The following ACSM1 variants were observed in gnomAD, a reference collection of about 807,000 sequenced individuals.
ACSM1 encodes the protein acyl-coenzyme A synthetase ACSM1, mitochondrial.
A neutral mutation model predicts 75.8 loss-of-function variants in ACSM1; 79 were observed. The observed-to-expected ratio is 1.04, with a 90% CI of 0.87 to 1.26. ACSM1 has a LOEUF of 1.26. Ranked by LOEUF, ACSM1 falls within the 50% of genes most tolerant of loss-of-function variation. The pLI is 0.00. For synonymous variants in ACSM1, 279 were observed against 265.8 expected (o/e 1.05, Z -0.48); for missense variants, 676 against 720.1 (o/e 0.94, Z 0.70).
chr16:20,695,421 T>C (rs75346969), intron 1 of ACSM1, among the ~76,000 whole-genome samples: 10,657 of 152,240 alleles, frequency 0.07, 520 homozygotes, highest in East Asian at 0.21. Context: ...GAAGCTCTTA[T>C]AGAGTAGTTA....
At chr16:20,672,471 A>AAAAAAAAAAAATATATAT (rs1555473775) in intron 4 of ACSM1, among the ~76,000 whole-genome samples, 13 of 64,562 alleles carry the variant, frequency 2.0e-4, no homozygotes, top group Non-Finnish European at 2.9e-4. Context: ...AAAAAAAAAA[A>AAAAAAAAAAAATATATAT]ATATATATAT....
At chr16:20,680,835 C>T (rs2079429814) in intron 4 of ACSM1, 1 of 152,230 alleles carries the variant, frequency 6.6e-6, no homozygotes, top group African/African-American at 2.4e-5. Flanking sequence ...TATATTGGAT[C>T]TGTGGAGCAT....
intron 7 of ACSM1, among the ~76,000 whole-genome samples, chr16:20,652,494 G>A (rs2018698934): frequency 1.3e-5 from 2 of 151,858 alleles, no homozygotes; most frequent in African/African-American, 4.8e-5. Context: ...AATCTTGTAT[G>A]GTAAATTTTT....
rs897320117 is a variant in ACSM1 at position 20,682,474 on chromosome 16, G to C, written c.404-11C>G. ...GAATGAAGATGATCCCTGGGGATGA[G>C]AAAGGAACTGATTGTTTTGGTTTCT... On this transcript the variant is annotated splice_polypyrimidine_tract_variant and intron_variant, in intron 3 of 13. Coordinates refer to ENST00000520010, the MANE Select transcript of ACSM1 (RefSeq NM_001318890.3). 3.7e-6 allele frequency: 6 copies of C among 1,608,746 alleles called. No individual in the cohort carries two copies. In the Admixed American group the frequency reaches 8.3e-5, roughly 22 times the overall value.
chr16:20,659,325 G>C (rs2019169938), intron 7 of ACSM1, among the ~76,000 whole-genome samples: 1 of 152,148 alleles, frequency 6.6e-6, no homozygotes, highest in Non-Finnish European at 1.5e-5. Flanking sequence ...AGTCTTCCTA[G>C]TGCCATGGGA....
At chr16:20,669,716 C>T in intron 6 of ACSM1, 111 bp downstream of exon 6, 1 of 1,084,380 alleles carries the variant, frequency 9.2e-7, no homozygotes, top group Middle Eastern at 2.8e-4. Context: ...GGCTCAGGAT[C>T]ATCTTAGGCT....
In ACSM1 at chr16:20,648,524, T is replaced by A. The variant is rs944065394; in HGVS notation, c.993-7940A>T. ...GCCATGATGGAAATGGGTGGTTGGA[T>A]GTACCTCATTATACCCTCCTTCCTT... is the stretch of plus-strand genomic sequence containing the variant. On this transcript the variant is annotated intron_variant, in intron 7 of 13. Transcript: ENST00000520010. The surrounding 1 kb of genome is among the most constrained non-coding windows in gnomAD (Gnocchi z 4.2). 5.3e-5 allele frequency among the ~76,000 whole-genome samples: 8 copies of A among 152,202 alleles called. No individual in the cohort carries two copies. Among genetic ancestry groups the A allele is most frequent in the African/African-American group, 1.9e-4 (8 of 41,456 alleles).
chr16:20,688,784 G>T (rs1011827561), intron 2 of ACSM1, among the ~76,000 whole-genome samples: 1 of 151,850 alleles, frequency 6.6e-6, no homozygotes, highest in African/African-American at 2.4e-5. Context: ...TCCTCAAGGT[G>T]AAATAAAAGA....
At chr16:20,672,448 C>CAAAAAAAAAAAAA (rs528742963) in intron 4 of ACSM1, among the ~76,000 whole-genome samples, 1 of 21,924 alleles carries the variant, frequency 4.6e-5, no homozygotes, top group African/African-American at 2.6e-4. Context: ...AACTCCATCT[C>CAAAAAAAAAAAAA]AAAAAAAAAA....
At chr16:20,665,624 T>C (rs963033358) in intron 6 of ACSM1, among the ~76,000 whole-genome samples, 6 of 142,952 alleles carry the variant, frequency 4.2e-5, no homozygotes, top group Admixed American at 1.4e-4. Flanking sequence ...GACTCCTTTC[T>C]AACCATTCTA....
At position 20,627,292 on chromosome 16, in the gene ACSM1, C is replaced by T. The variant is rs200667514; in HGVS notation, c.1324G>A (p.Val442Met). ...GTGTTGTAGAAGTCCCCACATTCCA[C>T]TTTAGCTGTCTTCTCTGGGTCACCC... ...YEGDPEKTAK[V>M]ECGDFYNTGD... is the part of the protein sequence containing the mutation. Residue 442 changes from valine (V) to methionine (M), a missense_variant, in exon 11 of 14, where the codon GTG becomes ATG. Transcript: ENST00000520010. 2 of 1,580,736 alleles carry T rather than the reference C, an allele frequency of 1.3e-6. No homozygotes were observed. The highest frequency in any genetic ancestry group is 2.5e-5 in the East Asian group (1 of 40,694).
chr16:20,671,493 T>C, intron 5 of ACSM1, 38 bp downstream of exon 5: 1 of 1,565,042 alleles, frequency 6.4e-7, no homozygotes, highest in East Asian at 2.3e-5. Flanking sequence ...TTTGCCCACA[T>C]CTGGGTCCAG....
At chr16:20,691,836 TCTCC>T (rs1200829350) in intron 1 of ACSM1, among the ~76,000 whole-genome samples, 1 of 151,510 alleles carries the variant, frequency 6.6e-6, no homozygotes, top group Non-Finnish European at 1.5e-5. Context: ...TATCAGGCTG[TCTCC>T]CTCTGGTGGA....
chr16:20,661,384 G>T (rs941369209), intron 7 of ACSM1, among the ~76,000 whole-genome samples: 2 of 152,114 alleles, frequency 1.3e-5, no homozygotes, highest in Non-Finnish European at 2.9e-5. Flanking sequence ...GGCAAGTAAG[G>T]AATTAACAAC....
intron 7 of ACSM1, among the ~76,000 whole-genome samples, chr16:20,659,574 C>A (rs1233567880): frequency 6.6e-6 from 1 of 152,108 alleles, no homozygotes; most frequent in African/African-American, 2.4e-5. Flanking sequence ...GGAAGAAAAT[C>A]AAAATATTGT....
intron 7 of ACSM1, among the ~76,000 whole-genome samples, chr16:20,658,784 C>T (rs539170980): frequency 6.6e-6 from 1 of 152,230 alleles, no homozygotes; most frequent in South Asian, 2.1e-4. Context: ...GGATGCTATA[C>T]CTATGGAGAC....
intron 10 of ACSM1, among the ~76,000 whole-genome samples, chr16:20,628,928 C>A (rs1374715057): frequency 6.6e-6 from 1 of 152,104 alleles, no homozygotes; most frequent in African/African-American, 2.4e-5. Context: ...TAAGCAATAG[C>A]TCTTGTGGAA....
At chr16:20,679,028 C>CTAA (rs1016569291) in intron 4 of ACSM1, 24 of 152,214 alleles carry the variant, frequency 1.6e-4, no homozygotes, top group African/African-American at 5.3e-4. Flanking sequence ...GCCTATAAGT[C>CTAA]TAACAGACCC....
rs1368821552 is a variant in ACSM1, at chr16:20,669,865, G to C, written c.874C>G (p.His292Asp). 6.2e-7 allele frequency: 1 copy of C among 1,613,966 alleles called. No homozygotes were observed. The highest frequency in any genetic ancestry group is 1.1e-5 in the South Asian group (1 of 91,074). ...TTGGTGTCAAACTGTGGCAGATGGT[G>C]GATAAAGACTGTACAACCCGCTGTC... is the stretch of plus-strand genomic sequence containing the variant. ...PWTAGCTVFI[H>D]HLPQFDTKVI... The change falls in exon 6 of 14, where the codon CAC (histidine) becomes GAC (aspartate). Residue 292 changes from histidine to aspartate, a missense_variant. His to Asp is a moderately conservative substitution (Grantham distance 81). Transcript: ENST00000520010.
Sources: gnomAD v4.1 joint callset for allele counts (sites outside exome capture counted in the v4.1 genomes callset) on GRCh38, gnomAD v4.1.1 for gene constraint, Gnocchi (gnomAD v3.1) non-coding constraint, MANE v1.5 for transcripts, NCBI Gene and HGNC (gene_info 2026-07-23, HGNC 2026-07-21) for gene names.